Variants in KPNA4 observed in about 807,000 individuals in gnomAD.
KPNA4 encodes karyopherin subunit alpha 4.
Under a neutral mutation model 71.3 loss-of-function variants are expected in KPNA4, and 13 were observed. That is an observed-to-expected ratio of 0.18 (90% CI 0.12 to 0.29). The LOEUF (loss-of-function observed/expected upper bound fraction) is 0.29. Ranked by LOEUF, KPNA4 falls within the 10% of genes least tolerant of loss-of-function variation. KPNA4 has a pLI of 1.00. For synonymous variants in KPNA4, 189 were observed against 195.2 expected (o/e 0.97, Z 0.26); for missense variants, 334 against 603.2 (o/e 0.55, Z 4.67).
At chr3:160,517,272 C>T (rs532257562) in intron 11 of KPNA4, among the ~76,000 whole-genome samples, 2 of 152,000 alleles carry the variant, frequency 1.3e-5, no homozygotes, top group African/African-American at 2.4e-5. Flanking sequence ...GTTAAAAGTT[C>T]GTGTTACAGC....
At chr3:160,520,418 ATTTTTTTT>A (rs59839490) in intron 11 of KPNA4, among the ~76,000 whole-genome samples, 2 of 137,340 alleles carry the variant, frequency 1.5e-5, no homozygotes, top group East Asian at 4.2e-4. Flanking sequence ...TGCCTGGCTA[ATTTTTTTT>A]TTTTTTTTTG....
chr3:160,531,941 C>T (rs558312413), intron 5 of KPNA4, among the ~76,000 whole-genome samples: 1 of 151,916 alleles, frequency 6.6e-6, no homozygotes, highest in Non-Finnish European at 1.5e-5. Context: ...TACAGGCGTG[C>T]GCCACCACAC....
chr3:160,508,809 T>G (rs1288395327), intron 14 of KPNA4, among the ~76,000 whole-genome samples: 1 of 152,114 alleles, frequency 6.6e-6, no homozygotes, highest in African/African-American at 2.4e-5. Context: ...CATGAGCCAC[T>G]GCATCCCGCC....
intron 1 of KPNA4, among the ~76,000 whole-genome samples, chr3:160,550,140 T>C (rs1050269045): frequency 6.6e-6 from 1 of 152,240 alleles, no homozygotes; most frequent in African/African-American, 2.4e-5. Flanking sequence ...GGTGATTGTG[T>C]CATCTGTGAA....
At chr3:160,510,759 T>C (rs957872900) in intron 13 of KPNA4, among the ~76,000 whole-genome samples, 2 of 151,858 alleles carry the variant, frequency 1.3e-5, no homozygotes, top group Non-Finnish European at 2.9e-5. Flanking sequence ...ATCCCAAATA[T>C]AATCGGGCAA....
At chr3:160,544,679 G>A (rs112800911) in intron 1 of KPNA4, among the ~76,000 whole-genome samples, 1,845 of 152,302 alleles carry the variant, frequency 0.012, 20 homozygotes, top group Middle Eastern at 0.02. Flanking sequence ...TACCGAAGAA[G>A]AGTAAGAGAA....
At position 160,506,864 on chromosome 3, in the gene KPNA4, T is replaced by C. The variant is rs185285672; in HGVS notation, c.1372+1243A>G. 2.0e-3 allele frequency among the ~76,000 whole-genome samples: 309 copies of C among 152,352 alleles called. 2 individuals carry two copies. Among genetic ancestry groups the C allele is most frequent in the Non-Finnish European group, 2.8e-3 (193 of 68,032 alleles). ...ATTGTTGTTGCTCTATGAGTCACTT[T>C]AGTAACTTTAAATATATCTATTTCT... On this transcript the variant is annotated intron_variant, in intron 15 of 16. Coordinates refer to ENST00000334256, the MANE Select transcript of KPNA4 (RefSeq NM_002268.5).
chr3:160,524,331 T>TTTTATTTATTTA (rs544920775), intron 10 of KPNA4, among the ~76,000 whole-genome samples: 1 of 151,932 alleles, frequency 6.6e-6, no homozygotes, highest in African/African-American at 2.4e-5. Flanking sequence ...TTGCCAATCG[T>TTTTATTTATTTA]TTTATTTATT....
Position 160,525,805 on chromosome 3 carries a change from C to T in KPNA4, c.766G>A (p.Val256Ile), listed in dbSNP as rs771831969. 14 of 1,560,924 alleles carry T rather than the reference C, an allele frequency of 9.0e-6. No individual in the cohort carries two copies. Among genetic ancestry groups the T allele is most frequent in the East Asian group, 6.9e-5 (3 of 43,488 alleles). ...AATAGGACACATTTACTCACATTTA[C>T]ATCTGTGTGATGAATTAAAACACAA... Reference protein sequence around the residue: ...ALCVLIHHTDVNILVDTVWAL... With the variant: ...ALCVLIHHTDINILVDTVWAL... The change falls in exon 10 of 17, where the codon GTA becomes ATA. Residue 256 changes from valine to isoleucine, a missense_variant. Val to Ile is a conservative substitution (Grantham distance 29). Coordinates refer to ENST00000334256, the MANE Select transcript of KPNA4 (RefSeq NM_002268.5).
At chr3:160,526,240 AG>A in intron 8 of KPNA4, 133 bp from the exon 9 acceptor site, 1 of 584,216 alleles carries the variant, frequency 1.7e-6, no homozygotes, top group Non-Finnish European at 2.7e-6. Context: ...GACAATAACA[AG>A]CAGGCTCACA....
intron 1 of KPNA4, among the ~76,000 whole-genome samples, chr3:160,549,373 A>C (rs564288572): frequency 1.3e-5 from 2 of 152,306 alleles, no homozygotes; most frequent in East Asian, 3.9e-4. Context: ...CAAAGTTATA[A>C]AACTTTCTCT....
At chr3:160,551,939 T>C (rs1359774534) in intron 1 of KPNA4, among the ~76,000 whole-genome samples, 2 of 62,134 alleles carry the variant, frequency 3.2e-5, no homozygotes, top group Admixed American at 3.9e-4. Context: ...TTGTCACAAC[T>C]GGGGGGGGGG....
At chr3:160,558,374 T>C (rs1360498003) in intron 1 of KPNA4, among the ~76,000 whole-genome samples, 1 of 152,242 alleles carries the variant, frequency 6.6e-6, no homozygotes, top group Non-Finnish European at 1.5e-5. Flanking sequence ...AGGGGTTTAC[T>C]TGGATGCAAT....
rs4621370 is a variant in KPNA4 at position 160,565,338 on chromosome 3, A to C, written c.-56T>G. Reference sequence around the variant, plus strand: ...GGCCCCGCGGGATCCGCCCCAACCAACGCGCCGCACCGACACTCCCAGGAA... The same window carrying C: ...GGCCCCGCGGGATCCGCCCCAACCACCGCGCCGCACCGACACTCCCAGGAA... On this transcript the variant is annotated 5_prime_UTR_variant, in exon 1 of 17. Transcript: ENST00000334256. 749,079 of 1,418,252 alleles carry C rather than the reference A, an allele frequency of 0.53. 201,163 individuals are homozygous for C. The highest frequency in any genetic ancestry group is 0.57 in the African/African-American group (39,996 of 69,716). 87.9% of individuals were successfully genotyped at this position (1,418,252 alleles called of 1,614,324 possible). A position where few individuals can be genotyped will look rare whatever the true frequency, so the allele number is the denominator to read the frequency against.
At position 160,565,474 on chromosome 3, in the gene KPNA4, C is replaced by A. The variant is rs982394664; in HGVS notation, c.-192G>T. The A allele has an allele frequency of 1.8e-6, 1 of 568,018 alleles. No individual in the cohort carries two copies. Among genetic ancestry groups the A allele is most frequent in the African/African-American group, 2.0e-5 (1 of 49,868 alleles). 35.2% of individuals were successfully genotyped at this position (568,018 alleles called of 1,614,324 possible). A position where few individuals can be genotyped will look rare whatever the true frequency, so the allele number is the denominator to read the frequency against. The stretch of plus-strand genomic sequence containing the variant: ...CCCGCCCGCCCCCCCGCCCTAACCC[C>A]AGCGCGACTGCAGCTCCGGCAAAGA... On this transcript the variant is annotated 5_prime_UTR_variant, in exon 1 of 17. Coordinates refer to ENST00000334256, the MANE Select transcript of KPNA4 (RefSeq NM_002268.5).
At chr3:160,509,196 T>C (rs1483710282) in intron 14 of KPNA4, among the ~76,000 whole-genome samples, 2 of 152,204 alleles carry the variant, frequency 1.3e-5, no homozygotes, top group African/African-American at 4.8e-5. Flanking sequence ...GCCTCTTTCC[T>C]AGGCATCTTA....
intron 16 of KPNA4, among the ~76,000 whole-genome samples, chr3:160,503,290 T>C (rs1720918962): frequency 6.6e-6 from 1 of 152,150 alleles, no homozygotes. Context: ...AAAATACAGA[T>C]TGAGTATCCC....
chr3:160,505,000 T>C lies in KPNA4; in HGVS notation c.1425A>G (p.Lys475=). The C allele has an allele frequency of 4.5e-6, 7 of 1,571,012 alleles. No individual in the cohort carries two copies. The highest frequency in any genetic ancestry group is 6.0e-6 in the Non-Finnish European group (7 of 1,159,390). The change falls in exon 16 of 17, where the codon AAA becomes AAG. Residue 475 remains lysine, a synonymous_variant. Coordinates refer to ENST00000334256, the MANE Select transcript of KPNA4 (RefSeq NM_002268.5). ...LQNHENEDIY[K]LAYEIIDQFF... ...ACTGATCAATGATCTCATAGGCCAA[T>C]TTGTAGATGTCTTCATTTTCATGAT...
chr3:160,541,552 A>G (rs1721797127), intron 1 of KPNA4, among the ~76,000 whole-genome samples: 3 of 152,194 alleles, frequency 2.0e-5, no homozygotes. Context: ...TAATGGTTGC[A>G]TAACTATGAA....
Sources: gnomAD v4.1 joint callset for allele counts (sites outside exome capture counted in the v4.1 genomes callset) on GRCh38, gnomAD v4.1.1 for gene constraint, MANE v1.5 for transcripts, NCBI Gene and HGNC (gene_info 2026-07-23, HGNC 2026-07-21) for gene names.